Variants in TMEM108 observed in about 807,000 individuals in gnomAD.
The protein encoded by TMEM108 is transmembrane protein 108.
A neutral mutation model predicts 35.1 loss-of-function variants in TMEM108; 12 were observed. The ratio of observed to expected loss-of-function variants is 0.34; its 90% CI spans 0.22 to 0.55. The LOEUF (loss-of-function observed/expected upper bound fraction) is 0.55, where lower values mean the gene tolerates loss of function less well. Among genes scored for constraint, TMEM108 ranks in the 20% least tolerant of loss-of-function variants. TMEM108 has a pLI of 0.89. For synonymous variants in TMEM108, 287 were observed against 308.6 expected (o/e 0.93, Z 0.73); for missense variants, 680 against 753.3 (o/e 0.90, Z 1.14).
chr3:133,073,510 C>CTCTCTCTCTCTCTCTATTTA, intron 2 of TMEM108, among the ~76,000 whole-genome samples: 1 of 43,920 alleles, frequency 2.3e-5, no homozygotes, highest in Non-Finnish European at 3.9e-5. Flanking sequence ...CTCTCTCTCT[C>CTCTCTCTCTCTCTCTATTTA]TATATATATA....
intron 3 of TMEM108, among the ~76,000 whole-genome samples, chr3:133,273,129 C>T (rs1057448995): frequency 6.6e-6 from 1 of 152,152 alleles, no homozygotes; most frequent in African/African-American, 2.4e-5. Context: ...CCTACACATA[C>T]ACAAGAACTT....
At chr3:133,180,001 T>A (rs576230276) in intron 2 of TMEM108, among the ~76,000 whole-genome samples, 11 of 152,146 alleles carry the variant, frequency 7.2e-5, no homozygotes, top group African/African-American at 2.4e-4. Flanking sequence ...TCGAAAACCA[T>A]TATGAATATA....
intron 3 of TMEM108, among the ~76,000 whole-genome samples, chr3:133,270,986 C>T (rs1039976620): frequency 3.3e-5 from 5 of 152,166 alleles, no homozygotes; most frequent in Non-Finnish European, 4.4e-5. Context: ...CCAAGCCATC[C>T]TCTTGACACA....
At chr3:133,267,424 G>T (rs1043549453) in intron 3 of TMEM108, among the ~76,000 whole-genome samples, 1 of 152,174 alleles carries the variant, frequency 6.6e-6, no homozygotes, top group Non-Finnish European at 1.5e-5. Flanking sequence ...CAGCTAGAGA[G>T]TGGATCTCAA....
chr3:133,355,904 A>T (rs1407878968), intron 3 of TMEM108, among the ~76,000 whole-genome samples: 1 of 152,192 alleles, frequency 6.6e-6, no homozygotes, highest in Non-Finnish European at 1.5e-5. Flanking sequence ...GCACAAAAAA[A>T]TAGTGTATTT....
At chr3:133,051,048 T>C (rs1943399063) in intron 2 of TMEM108, among the ~76,000 whole-genome samples, 2 of 151,668 alleles carry the variant, frequency 1.3e-5, no homozygotes. Flanking sequence ...GATTGCTGCC[T>C]CATATGGTGA....
intron 5 of TMEM108, among the ~76,000 whole-genome samples, chr3:133,391,400 T>C (rs2107861495): frequency 6.6e-6 from 1 of 152,268 alleles, no homozygotes; most frequent in African/African-American, 2.4e-5. Flanking sequence ...CCACCCCTCC[T>C]TCCCGTGTGG....
intron 2 of TMEM108, among the ~76,000 whole-genome samples, chr3:133,175,868 C>A (rs1484919872): frequency 1.3e-5 from 2 of 152,182 alleles, no homozygotes; most frequent in Admixed American, 1.3e-4. Context: ...TTAAAAGACA[C>A]AGACTGGCAA....
At chr3:133,177,117 AAGAAG>A (rs1945244354) in intron 2 of TMEM108, among the ~76,000 whole-genome samples, 1 of 152,248 alleles carries the variant, frequency 6.6e-6, no homozygotes, top group East Asian at 1.9e-4. Flanking sequence ...CTAAACCAGG[AAGAAG>A]TTGAATCTCT....
At chr3:133,354,130 TTA>T (rs1044825185) in intron 3 of TMEM108, among the ~76,000 whole-genome samples, 8 of 152,240 alleles carry the variant, frequency 5.3e-5, no homozygotes, top group African/African-American at 1.9e-4. Context: ...ACGTCAGTTT[TTA>T]TGTTATAAAA....
intron 2 of TMEM108, among the ~76,000 whole-genome samples, chr3:133,194,753 T>C (rs1240806806): frequency 6.6e-6 from 1 of 152,186 alleles, no homozygotes; most frequent in African/African-American, 2.4e-5. Context: ...TTCCTGGTTT[T>C]AAATGCAATC....
chr3:133,285,758 C>T (rs944958943), intron 3 of TMEM108, among the ~76,000 whole-genome samples: 3 of 152,174 alleles, frequency 2.0e-5, no homozygotes, highest in Non-Finnish European at 2.9e-5. Context: ...AGAGCTAGAC[C>T]ACCATCACTG....
At chr3:133,244,877 T>C (rs1489829763) in intron 3 of TMEM108, among the ~76,000 whole-genome samples, 1 of 152,224 alleles carries the variant, frequency 6.6e-6, no homozygotes, top group Admixed American at 6.5e-5. Context: ...GAAAACATTC[T>C]TGTGTGTACA....
At chr3:133,125,392 T>C (rs1207246365) in intron 2 of TMEM108, among the ~76,000 whole-genome samples, 1 of 152,202 alleles carries the variant, frequency 6.6e-6, no homozygotes, top group Non-Finnish European at 1.5e-5. Context: ...GAATGACAGC[T>C]GAGGGTCTGA....
chr3:133,069,376 AC>A (rs1477125851), intron 2 of TMEM108, among the ~76,000 whole-genome samples: 40 of 152,302 alleles, frequency 2.6e-4, no homozygotes, highest in African/African-American at 8.9e-4. Flanking sequence ...AAGTAATTAG[AC>A]AAATGCATGT....
intron 2 of TMEM108, among the ~76,000 whole-genome samples, chr3:133,203,888 A>G (rs112184660): frequency 5.9e-5 from 9 of 152,018 alleles, no homozygotes; most frequent in Admixed American, 3.3e-4. Flanking sequence ...TTTTCTTTAT[A>G]CCTCTGGTAA....
At chr3:133,367,451 G>A (rs1286511963) in intron 3 of TMEM108, among the ~76,000 whole-genome samples, 2 of 152,224 alleles carry the variant, frequency 1.3e-5, no homozygotes, top group East Asian at 3.8e-4. Context: ...GCAAAATTCA[G>A]CTTATGCCCA....
chr3:133,086,073 T>G (rs567568271), intron 2 of TMEM108, among the ~76,000 whole-genome samples: 1 of 152,294 alleles, frequency 6.6e-6, no homozygotes, highest in Middle Eastern at 3.4e-3. Flanking sequence ...TAAGGAGATA[T>G]CATATGGAAA....
intron 2 of TMEM108, among the ~76,000 whole-genome samples, chr3:133,172,924 C>T (rs976061721): frequency 6.6e-6 from 1 of 152,188 alleles, no homozygotes; most frequent in Non-Finnish European, 1.5e-5. Flanking sequence ...CACAAGCTCT[C>T]TCTCTTTGCC....
Sources: gnomAD v4.1 joint callset for allele counts (sites outside exome capture counted in the v4.1 genomes callset) on GRCh38, gnomAD v4.1.1 for gene constraint, MANE v1.5 for transcripts, NCBI Gene and HGNC (gene_info 2026-07-23, HGNC 2026-07-21) for gene names.